Variants in ITPK1 observed in about 807,000 individuals in gnomAD.
ITPK1 encodes the protein inositol-tetrakisphosphate 1-kinase.
In ITPK1, 21 loss-of-function variants were observed where a neutral mutation model predicts 45.3. The observed-to-expected ratio is 0.46, with a 90% CI of 0.33 to 0.67. ITPK1 has a LOEUF of 0.67. ITPK1 is among the 30% of genes least tolerant of loss of function. The pLI is 0.02. For synonymous variants in ITPK1, 258 were observed against 253.6 expected (o/e 1.02, Z -0.16); for missense variants, 474 against 573.5 (o/e 0.83, Z 1.77).
chr14:92,953,191 A>G (rs1888041160), intron 8 of ITPK1, among the ~76,000 whole-genome samples: 1 of 152,242 alleles, frequency 6.6e-6, no homozygotes, highest in African/African-American at 2.4e-5. Context: ...CGCAACAATT[A>G]TGCATGAGGG....
intron 2 of ITPK1, among the ~76,000 whole-genome samples, chr14:93,109,663 C>A (rs1050625101): frequency 1.3e-5 from 2 of 152,200 alleles, no homozygotes; most frequent in African/African-American, 4.8e-5. Flanking sequence ...ACCTCCACCT[C>A]CTGGGGGGCT....
chr14:93,028,598 C>T (rs924470100), intron 3 of ITPK1, among the ~76,000 whole-genome samples: 1 of 152,244 alleles, frequency 6.6e-6, no homozygotes, highest in South Asian at 2.1e-4. Context: ...CCGATGACAG[C>T]TGCCATCAGC....
rs111447294 is a variant in ITPK1, at chr14:92,973,134, T to C, written c.365-10285A>G. Among the ~76,000 whole-genome samples, 1,362 of 152,326 alleles carry C rather than the reference T, an allele frequency of 8.9e-3. 17 individuals are homozygous for C. Among genetic ancestry groups the C allele is most frequent in the African/African-American group, 0.031 (1,279 of 41,564 alleles). On this transcript the variant is annotated intron_variant, in intron 5 of 10. Transcript: ENST00000267615. Reference sequence around the variant, plus strand: ...CCACAGTCACGTCTTTCTAGTACTTTTTCTGGCACTGCTACCGAGTTTTGT... The same window carrying C: ...CCACAGTCACGTCTTTCTAGTACTTCTTCTGGCACTGCTACCGAGTTTTGT...
chr14:93,012,645 A>G lies in ITPK1; in HGVS notation c.246+4031T>C, dbSNP rs1595136413. Among the ~76,000 whole-genome samples, 1 of 152,136 alleles carries G rather than the reference A, an allele frequency of 6.6e-6. No individual in the cohort carries two copies. Among genetic ancestry groups the G allele is most frequent in the African/African-American group, 2.4e-5 (1 of 41,426 alleles). On this transcript the variant is annotated intron_variant, in intron 4 of 10. Transcript: ENST00000267615. The surrounding 1 kb of genome is among the most constrained non-coding windows in gnomAD (Gnocchi z 4.9). ...TGCCTGCTGGCCTCTCCTCCTGGCC[A>G]GGAGCTCGCGGGCAGGGCACCCAGC...
At position 93,114,186 on chromosome 14, in the gene ITPK1, A is replaced by G. The variant is rs537162961; in HGVS notation, c.95+883T>C. ...AGGCTTGCATTGAGAAAAGGGCTTA[A>G]CTGCTTCTCAGAGGCAAAGCTACAG... On this transcript the variant is annotated intron_variant, in intron 2 of 10. Transcript: ENST00000267615. Among the ~76,000 whole-genome samples the G allele has an allele frequency of 2.6e-5, 4 of 152,390 alleles. No homozygotes were observed. In the South Asian group the frequency reaches 8.3e-4, roughly 32 times the overall value.
chr14:92,958,168 T>C lies in ITPK1; in HGVS notation c.670+33A>G, dbSNP rs1489898648. The C allele has an allele frequency of 6.2e-7, 1 of 1,611,542 alleles. No individual in the cohort carries two copies. Among genetic ancestry groups the C allele is most frequent in the African/African-American group, 1.3e-5 (1 of 74,940 alleles). On this transcript the variant is annotated intron_variant, in intron 8 of 10. Transcript: ENST00000267615. The surrounding 1 kb of genome is among the most constrained non-coding windows in gnomAD (Gnocchi z 4.4). ...ACATCCCAGCTGGGCCCCTGAGTCT[T>C]GCTCAGCCCAAGATGGTGAGAAGAG... is the stretch of plus-strand genomic sequence containing the variant.
Position 92,975,018 on chromosome 14 carries a change from G to A in ITPK1, c.365-12169C>T, listed in dbSNP as rs535575280. On this transcript the variant is annotated intron_variant, in intron 5 of 10. Coordinates refer to ENST00000267615, the MANE Select transcript of ITPK1 (RefSeq NM_014216.6). The stretch of plus-strand genomic sequence containing the variant: ...GGACCCACCATGAGGAGAGGGTAGG[G>A]AAGTGGCATCTCCTGAGTGTTGGCA... Among the ~76,000 whole-genome samples, 11 of 152,338 alleles carry A rather than the reference G, an allele frequency of 7.2e-5. No individual in the cohort carries two copies. In the South Asian group the frequency reaches 1.7e-3, roughly 23 times the overall value.
Position 92,958,286 on chromosome 14 carries a change from G to C in ITPK1, c.585C>G (p.Ala195=). Residue 195 remains alanine (A), a synonymous_variant, in exon 8 of 11, where the codon GCC becomes GCG. Transcript: ENST00000267615. This position sits in a 1 kb window ranked among gnomAD's most constrained non-coding sequence, Gnocchi z 4.4. ...CAACCACGAACACCTTGTACAGGAC[G>C]GCGTTGTGGTTGATGAAATTCTGGA... The part of the protein sequence containing the change: ...CVVQNFINHN[A]VLYKVFVVGE... 1 of 1,614,194 alleles carries C rather than the reference G, an allele frequency of 6.2e-7. No individual in the cohort carries two copies. Among genetic ancestry groups the C allele is most frequent in the Non-Finnish European group, 8.5e-7 (1 of 1,180,026 alleles).
At chr14:92,974,067 G>A (rs1224557257) in intron 5 of ITPK1, among the ~76,000 whole-genome samples, 1 of 152,226 alleles carries the variant, frequency 6.6e-6, no homozygotes, top group Non-Finnish European at 1.5e-5. Context: ...TGGCTATGCT[G>A]AGGAGCTGCC....
At chr14:93,046,607 C>CG (rs1889788902) in intron 3 of ITPK1, among the ~76,000 whole-genome samples, 1 of 114,010 alleles carries the variant, frequency 8.8e-6, no homozygotes, top group Non-Finnish European at 1.8e-5. Flanking sequence ...GGGGGGGCGG[C>CG]GGGGGGAACA....
chr14:93,048,580 G>A (rs1029724786), intron 3 of ITPK1, among the ~76,000 whole-genome samples: 1 of 152,170 alleles, frequency 6.6e-6, no homozygotes, highest in African/African-American at 2.4e-5. Flanking sequence ...CAAAGCTCCT[G>A]ATACTCCCAC....
At chr14:93,002,977 C>A (rs765221159) in intron 4 of ITPK1, among the ~76,000 whole-genome samples, 1 of 152,176 alleles carries the variant, frequency 6.6e-6, no homozygotes, top group African/African-American at 2.4e-5. Context: ...AAGACACACA[C>A]CCCTTAGGAC....
At chr14:93,112,005 G>C (rs1001687187) in intron 2 of ITPK1, among the ~76,000 whole-genome samples, 1 of 152,066 alleles carries the variant, frequency 6.6e-6, no homozygotes, top group Non-Finnish European at 1.5e-5. Context: ...CCATGAAGTG[G>C]CTCTAACCAC....
At chr14:93,023,197 G>A (rs1392896727) in intron 3 of ITPK1, among the ~76,000 whole-genome samples, 1 of 152,182 alleles carries the variant, frequency 6.6e-6, no homozygotes, top group African/African-American at 2.4e-5. Context: ...CCCTTTTCTG[G>A]ACACAAGGCA....
chr14:93,007,705 GC>G (rs928166031), intron 4 of ITPK1, among the ~76,000 whole-genome samples: 7 of 152,142 alleles, frequency 4.6e-5, no homozygotes, highest in African/African-American at 1.7e-4. Context: ...GGGTGACCTG[GC>G]TACGACATCT....
chr14:93,081,317 G>C (rs961402011), intron 2 of ITPK1, among the ~76,000 whole-genome samples: 1 of 148,152 alleles, frequency 6.7e-6, no homozygotes, highest in Admixed American at 6.6e-5. Context: ...CTGGGCAACA[G>C]AGCGAGATGC....
chr14:92,977,125 G>C (rs948346873), intron 5 of ITPK1, among the ~76,000 whole-genome samples: 1 of 152,216 alleles, frequency 6.6e-6, no homozygotes, highest in Non-Finnish European at 1.5e-5. Context: ...GGATCAAACA[G>C]GTTAACACAC....
intron 2 of ITPK1, among the ~76,000 whole-genome samples, chr14:93,095,412 C>G (rs1286526555): frequency 1.3e-5 from 2 of 151,186 alleles, no homozygotes; most frequent in South Asian, 2.1e-4. Context: ...TAGACAGGAG[C>G]AGAAGCAAGT....
At chr14:93,097,691 A>G (rs1566784614) in intron 2 of ITPK1, among the ~76,000 whole-genome samples, 1 of 152,386 alleles carries the variant, frequency 6.6e-6, no homozygotes, top group Non-Finnish European at 1.5e-5. Context: ...TGCCCAATGC[A>G]GCTGTACCTA....
Sources: allele counts gnomAD v4.1 joint callset (sites outside exome capture counted in the v4.1 genomes callset), GRCh38; gene constraint gnomAD v4.1.1; non-coding constraint Gnocchi (gnomAD v3.1); transcripts MANE v1.5; gene names NCBI Gene and HGNC (gene_info 2026-07-23, HGNC 2026-07-21).